The following OR52I2 variants were observed in gnomAD, a reference collection of about 807,000 sequenced individuals.
The protein encoded by OR52I2 is olfactory receptor family 52 subfamily I member 2.
For missense variants in OR52I2, 350 were observed against 402.4 expected (o/e 0.87, Z 1.11); for synonymous variants, 147 against 151.9 (o/e 0.97, Z 0.24).
chr11:4,593,339 G>T (rs1011198746), exon 2 of OR52I2: 3 of 156,142 alleles, frequency 1.9e-5, no homozygotes, highest in African/African-American at 7.2e-5. Context: ...TTTAGAGAAG[G>T]TAAGGATTAT....
intron 1 of OR52I2, among the ~76,000 whole-genome samples, chr11:4,583,696 A>C (rs1041359508): frequency 1.3e-5 from 2 of 152,084 alleles, no homozygotes; most frequent in African/African-American, 4.8e-5. Context: ...ACTCTATTCA[A>C]TCTGTTCCAT....
intron 1 of OR52I2, among the ~76,000 whole-genome samples, chr11:4,585,548 T>A (rs546209261): frequency 0.041 from 6,255 of 152,278 alleles, 149 homozygotes; most frequent in Middle Eastern, 0.071. Flanking sequence ...TTATATGATA[T>A]GGTAACACCT....
chr11:4,592,532 G>A (rs937695920), exon 2 of OR52I2: 1 of 152,156 alleles, frequency 6.6e-6, no homozygotes. Flanking sequence ...CAAAAGCTAG[G>A]TGATAACATC....
chr11:4,583,773 C>G (rs888513054), intron 1 of OR52I2, among the ~76,000 whole-genome samples: 2 of 152,184 alleles, frequency 1.3e-5, no homozygotes, highest in African/African-American at 4.8e-5. Flanking sequence ...ATACAGACCA[C>G]AGTTTGTAAT....
exon 2 of OR52I2, chr11:4,591,444 G>T (rs1372698140): frequency 6.6e-6 from 1 of 152,144 alleles, no homozygotes; most frequent in African/African-American, 2.4e-5. Context: ...GTTCTTGAGC[G>T]ATATATGACT....
chr11:4,584,280 T>A (rs1283298346), intron 1 of OR52I2, among the ~76,000 whole-genome samples: 1 of 152,152 alleles, frequency 6.6e-6, no homozygotes, highest in Non-Finnish European at 1.5e-5. Flanking sequence ...ATCACACAAT[T>A]GATGTGGTGA....
At position 4,582,434 on chromosome 11, in the gene OR52I2, A is replaced by ATTTTTTTTTTTTT. The variant is rs386372959; in HGVS notation, c.-20+580_-20+592dup. On this transcript the variant is annotated intron_variant, in intron 1 of 1. Transcript: ENST00000641896. ...TTATTTTTATATTTATTTATTTTTCATTTTTTTTTTTTTTTTTTTTTTGAG... is the reference window on the plus strand; with the variant it reads ...TTATTTTTATATTTATTTATTTTTCATTTTTTTTTTTTTTTTTTTTTTTTTTTTTTTTTTTGAG... Among the ~76,000 whole-genome samples, 110 of 96,466 alleles carry ATTTTTTTTTTTTT rather than the reference A, an allele frequency of 1.1e-3. 2 individuals carry two copies. The highest frequency in any genetic ancestry group is 1.6e-3 in the Non-Finnish European group (82 of 52,738). The allele number at this position is 96,466 out of a possible 152,430, so 63.3% of individuals were successfully genotyped here. A position where few individuals can be genotyped will look rare whatever the true frequency, so the allele number is the denominator to read the frequency against.
chr11:4,590,537 C>A (rs770249496), exon 2 of OR52I2: 2 of 152,164 alleles, frequency 1.3e-5, no homozygotes, highest in Non-Finnish European at 2.9e-5. Context: ...GAAAGGTATG[C>A]CCAATTAGAG....
chr11:4,587,869 C>T, exon 2 of OR52I2: 1 of 1,608,804 alleles, frequency 6.2e-7, no homozygotes, highest in Non-Finnish European at 8.5e-7. Flanking sequence ...TTCATGAACA[C>T]AATATCTGTT....
exon 2 of OR52I2, chr11:4,587,008 A>G: frequency 1.9e-6 from 3 of 1,614,140 alleles, no homozygotes; most frequent in African/African-American, 1.3e-5. Flanking sequence ...TGCCATGTAC[A>G]TCATAGCCCT....
exon 2 of OR52I2, chr11:4,588,793 T>C (rs1327042699): frequency 3.9e-5 from 6 of 152,212 alleles, no homozygotes; most frequent in African/African-American, 1.4e-4. Context: ...ATACGGTTAT[T>C]AGAATTTAGC....
chr11:4,591,307 G>C (rs892428639), exon 2 of OR52I2: 1 of 152,164 alleles, frequency 6.6e-6, no homozygotes, highest in Non-Finnish European at 1.5e-5. Context: ...TAAGGATATG[G>C]TAACTTCTCA....
exon 2 of OR52I2, chr11:4,591,140 A>C (rs1199733616): frequency 4.6e-5 from 7 of 152,166 alleles, no homozygotes; most frequent in Admixed American, 4.6e-4. Flanking sequence ...GAACCTGACG[A>C]ATGCTCACCT....
chr11:4,582,433 CATTT>C (rs1846264354), intron 1 of OR52I2, among the ~76,000 whole-genome samples: 2 of 74,664 alleles, frequency 2.7e-5, no homozygotes, highest in South Asian at 5.6e-4. Context: ...ATTTATTTTT[CATTT>C]TTTTTTTTTT....
chr11:4,585,105 T>A (rs1846289039), intron 1 of OR52I2, among the ~76,000 whole-genome samples: 1 of 152,198 alleles, frequency 6.6e-6, no homozygotes, highest in Non-Finnish European at 1.5e-5. Context: ...GTTTACATAA[T>A]TTGACTAAGG....
chr11:4,585,359 G>A (rs577349550), intron 1 of OR52I2, among the ~76,000 whole-genome samples: 12 of 152,276 alleles, frequency 7.9e-5, no homozygotes, highest in African/African-American at 2.2e-4. Flanking sequence ...AAGAGGCAGC[G>A]CCCCTTGCAA....
chr11:4,590,155 G>A (rs961758264), exon 2 of OR52I2: 1 of 152,160 alleles, frequency 6.6e-6, no homozygotes, highest in Non-Finnish European at 1.5e-5. Context: ...GTGTTCATGT[G>A]TTCACATAAT....
At chr11:4,588,412 T>C (rs1387896876) in exon 2 of OR52I2, 1 of 157,602 alleles carries the variant, frequency 6.3e-6, no homozygotes, top group Non-Finnish European at 1.4e-5. Context: ...CCACAGATGA[T>C]GCTCAGGCAG....
exon 2 of OR52I2, chr11:4,590,141 A>G (rs1017092331): frequency 6.6e-6 from 1 of 152,212 alleles, no homozygotes; most frequent in African/African-American, 2.4e-5. Context: ...GTGCCTATGT[A>G]GGTGTGTTCA....
Sources: allele counts gnomAD v4.1 joint callset (sites outside exome capture counted in the v4.1 genomes callset), GRCh38; gene constraint gnomAD v4.1.1; transcripts MANE v1.5; gene names NCBI Gene and HGNC (gene_info 2026-07-23, HGNC 2026-07-21).